POLK: variants seen among roughly 807,000 people sequenced by gnomAD.
POLK encodes DNA polymerase kappa.
A neutral mutation model predicts 94.0 loss-of-function variants in POLK; 76 were observed. The observed-to-expected ratio is 0.81, with a 90% CI of 0.67 to 0.98. The LOEUF (loss-of-function observed/expected upper bound fraction) is 0.98, where lower values mean the gene tolerates loss of function less well. Ranked by LOEUF, POLK falls within the 50% of genes least tolerant of loss-of-function variation. The pLI is 0.00. For missense variants in POLK, 954 were observed against 1,010.1 expected, an observed-to-expected ratio of 0.94 and a Z score of 0.75; for synonymous variants, 349 against 325.4, an observed-to-expected ratio of 1.07 and a Z score of -0.78.
downstream of POLK, among the ~76,000 whole-genome samples, chr5:75,605,539 A>G (rs537756566): frequency 2.6e-5 from 4 of 152,338 alleles, no homozygotes; most frequent in East Asian, 7.7e-4. Context: ...CTCTGAAACC[A>G]TCCGCAAGTC....
intron 10 of POLK, among the ~76,000 whole-genome samples, chr5:75,589,378 T>TACACACACAC (rs1178926125): frequency 9.7e-6 from 1 of 102,954 alleles, no homozygotes; most frequent in African/African-American, 4.0e-5. Flanking sequence ...ATTTTATATA[T>TACACACACAC]ATACACACAT....
chr5:75,563,461 CT>C (rs1055101899), intron 3 of POLK, among the ~76,000 whole-genome samples: 61 of 151,996 alleles, frequency 4.0e-4, no homozygotes, highest in African/African-American at 1.4e-3. Flanking sequence ...TTTGCTCTTG[CT>C]TTTCTAATTA....
chr5:75,578,453 A>G (rs989407710), intron 6 of POLK, among the ~76,000 whole-genome samples: 3 of 152,208 alleles, frequency 2.0e-5, no homozygotes, highest in Admixed American at 2.0e-4. Flanking sequence ...CACCACGCCC[A>G]GCCTACTAAT....
intron 1 of POLK, among the ~76,000 whole-genome samples, chr5:75,545,158 A>G (rs1186571734): frequency 1.3e-5 from 2 of 152,176 alleles, no homozygotes; most frequent in Non-Finnish European, 2.9e-5. Context: ...ACTACCACTA[A>G]TAGTCACAGT....
At chr5:75,567,546 T>C (rs1427742501) in intron 3 of POLK, among the ~76,000 whole-genome samples, 2 of 152,240 alleles carry the variant, frequency 1.3e-5, no homozygotes, top group African/African-American at 4.8e-5. Context: ...TAAACCAACT[T>C]TAATATACTG....
intron 1 of POLK, among the ~76,000 whole-genome samples, chr5:75,530,421 T>C (rs13180597): frequency 7.0e-6 from 1 of 142,524 alleles, no homozygotes; most frequent in African/African-American, 2.6e-5. Flanking sequence ...TTTTTTTTTT[T>C]TGAGTTGGAA....
At chr5:75,520,667 A>G (rs908048756) in intron 1 of POLK, among the ~76,000 whole-genome samples, 8 of 152,212 alleles carry the variant, frequency 5.3e-5, no homozygotes, top group Non-Finnish European at 2.9e-5. Flanking sequence ...CCAAGTAGCT[A>G]GTATTACAGG....
At chr5:75,568,048 T>C (rs567271053) in intron 3 of POLK, among the ~76,000 whole-genome samples, 16 of 152,268 alleles carry the variant, frequency 1.1e-4, no homozygotes, top group African/African-American at 3.9e-4. Context: ...GAGGCAAAGC[T>C]GGAGTACAAC....
At chr5:75,547,203 A>G in intron 2 of POLK, 46 bp downstream of exon 2, 2 of 1,055,856 alleles carry the variant, frequency 1.9e-6, no homozygotes, top group South Asian at 2.7e-5. Context: ...ATGACCTTTT[A>G]ACTTTCTGTT....
At chr5:75,584,680 A>G in intron 8 of POLK, 80 bp from the exon 9 acceptor site, 1 of 865,026 alleles carries the variant, frequency 1.2e-6, no homozygotes, top group Non-Finnish European at 1.7e-6. Context: ...TCAAAAAAAA[A>G]AAAAGTGTAA....
At chr5:75,520,306 A>G (rs144795342) in intron 1 of POLK, among the ~76,000 whole-genome samples, 50 of 152,300 alleles carry the variant, frequency 3.3e-4, no homozygotes, top group African/African-American at 1.1e-3. Context: ...TAGACTTCAT[A>G]CTAGAATTAT....
At chr5:75,533,797 T>C (rs1769305087) in intron 1 of POLK, among the ~76,000 whole-genome samples, 1 of 152,230 alleles carries the variant, frequency 6.6e-6, no homozygotes. Context: ...ATTGTAGAGC[T>C]ATTTCACCTC....
At chr5:75,527,020 A>G (rs1768892320) in intron 1 of POLK, among the ~76,000 whole-genome samples, 1 of 152,230 alleles carries the variant, frequency 6.6e-6, no homozygotes, top group Non-Finnish European at 1.5e-5. Context: ...GTTCATAAGC[A>G]TAAACCATAA....
intron 1 of POLK, among the ~76,000 whole-genome samples, chr5:75,526,741 C>T (rs967221331): frequency 9.2e-5 from 14 of 152,074 alleles, no homozygotes; most frequent in Middle Eastern, 3.4e-3. Context: ...ACCACCACAA[C>T]CGGCTAATTT....
intron 10 of POLK, among the ~76,000 whole-genome samples, chr5:75,587,719 G>T (rs1187919495): frequency 6.6e-6 from 1 of 152,062 alleles, no homozygotes; most frequent in Non-Finnish European, 1.5e-5. Flanking sequence ...CCAGGAGTTC[G>T]AGACCAGCCT....
chr5:75,521,169 TA>T (rs1166257554), intron 1 of POLK, among the ~76,000 whole-genome samples: 1 of 152,192 alleles, frequency 6.6e-6, no homozygotes, highest in Non-Finnish European at 1.5e-5. Context: ...TGGGAAGCTT[TA>T]TTTTTTTGAA....
exon 8 of POLK, chr5:75,583,314 T>C: frequency 6.2e-7 from 1 of 1,604,146 alleles, no homozygotes; most frequent in Non-Finnish European, 8.5e-7. Context: ...AATACAATGT[T>C]AGCAAAAGTA....
chr5:75,538,284 A>T (rs1769554443), intron 1 of POLK, among the ~76,000 whole-genome samples: 1 of 152,234 alleles, frequency 6.6e-6, no homozygotes, highest in Non-Finnish European at 1.5e-5. Flanking sequence ...TCTTCTTAAA[A>T]TAAACAGCAT....
upstream of POLK, chr5:75,511,339 G>A (rs1415055356): frequency 3.0e-5 from 47 of 1,545,500 alleles, no homozygotes; most frequent in Non-Finnish European, 3.8e-5. Context: ...GGGGGGAGCA[G>A]GAGGAGGGAC....
Sources: gnomAD v4.1 joint callset for allele counts (sites outside exome capture counted in the v4.1 genomes callset) on GRCh38, gnomAD v4.1.1 for gene constraint, MANE v1.5 for transcripts, NCBI Gene and HGNC (gene_info 2026-07-23, HGNC 2026-07-21) for gene names.